The following KDM4D variants were observed in gnomAD, a reference collection of about 807,000 sequenced individuals.
KDM4D encodes lysine-specific demethylase 4D.
For missense variants in KDM4D, 427 were observed against 674.8 expected, an observed-to-expected ratio of 0.63 and a Z score of 4.07; for synonymous variants, 254 against 249.1, an observed-to-expected ratio of 1.02 and a Z score of -0.19.
At chr11:94,979,449 C>A (rs1055971327) in intron 2 of KDM4D, among the ~76,000 whole-genome samples, 1 of 152,082 alleles carries the variant, frequency 6.6e-6, no homozygotes, top group Admixed American at 6.6e-5. Flanking sequence ...AGGCTGGCCT[C>A]GAACTCCTGA....
At position 94,998,572 on chromosome 11, in the gene KDM4D, T is replaced by C; in HGVS notation, c.1200T>C (p.Leu400=). 1 of 1,613,758 alleles carries C rather than the reference T, an allele frequency of 6.2e-7. No individual in the cohort carries two copies. Among genetic ancestry groups the C allele is most frequent in the South Asian group, 1.1e-5 (1 of 91,086 alleles). ...AARSGTRCHT[L]VCSSLPRRSA... is the part of the protein sequence containing the mutation. ...GCAGTGGGACACGGTGCCACACCCT[T>C]GTGTGCTCTTCACTCCCACGCCGAT... Residue 400 remains leucine, a synonymous_variant, in exon 3 of 3, where the codon CTT becomes CTC. Transcript: ENST00000335080. This position sits in a 1 kb window ranked among gnomAD's most constrained non-coding sequence, Gnocchi z 6.7.
In KDM4D at chr11:94,998,875, T is replaced by C; in HGVS notation, c.1503T>C (p.Pro501=). ...AGGATGGGGCTTTGATGGACAAGCC[T>C]GTACCACTGAGCCCAGGGCTCCAGC... The part of the protein sequence containing the change: ...LPEDGALMDK[P]VPLSPGLQHP... Residue 501 remains proline, a synonymous_variant, in exon 3 of 3, where the codon CCT becomes CCC. Coordinates refer to ENST00000335080, the MANE Select transcript of KDM4D (RefSeq NM_018039.3). The surrounding 1 kb of genome is among the most constrained non-coding windows in gnomAD (Gnocchi z 6.7). 6.5e-7 allele frequency: 1 copy of C among 1,532,256 alleles called. No homozygotes were observed. The allele number at this position is 1,532,256 out of a possible 1,614,324, so 94.9% of individuals were successfully genotyped here.
intron 2 of KDM4D, among the ~76,000 whole-genome samples, chr11:94,985,743 G>T (rs1367709638): frequency 6.6e-6 from 1 of 152,164 alleles, no homozygotes; most frequent in Non-Finnish European, 1.5e-5. Flanking sequence ...CAATGGAATA[G>T]AATTGAAAGT....
intron 2 of KDM4D, among the ~76,000 whole-genome samples, chr11:94,992,708 G>A (rs1466647386): frequency 6.6e-6 from 1 of 152,060 alleles, no homozygotes; most frequent in African/African-American, 2.4e-5. Context: ...TTTACGGGAT[G>A]TACTGTTTTA....
intron 2 of KDM4D, among the ~76,000 whole-genome samples, chr11:94,991,825 TAAAG>T (rs1342564570): frequency 2.9e-4 from 44 of 151,240 alleles, no homozygotes; most frequent in African/African-American, 9.2e-4. Flanking sequence ...ATCCTAAAAT[TAAAG>T]AACTTCATTT....
At chr11:94,977,025 T>C (rs1386193675) in intron 2 of KDM4D, among the ~76,000 whole-genome samples, 16 of 151,990 alleles carry the variant, frequency 1.1e-4, no homozygotes, top group Admixed American at 9.8e-4. Flanking sequence ...CTATAACATA[T>C]AAAGGATTAC....
rs868935285 is a variant in KDM4D, at chr11:94,998,259, C to A, written c.887C>A (p.Ala296Asp). The A allele has an allele frequency of 6.2e-7, 1 of 1,614,232 alleles. No individual in the cohort carries two copies. Among genetic ancestry groups the A allele is most frequent in the Non-Finnish European group, 8.5e-7 (1 of 1,180,030 alleles). ...AACTGCGCAGAGGCCATCAATTTTGCCACTCCGCGATGGATTGATTATGGC... is the reference window on the plus strand; with the variant it reads ...AACTGCGCAGAGGCCATCAATTTTGACACTCCGCGATGGATTGATTATGGC... ...GFNCAEAINF[A>D]TPRWIDYGKM... Residue 296 changes from alanine to aspartate, a missense_variant, in exon 3 of 3, where the codon GCC becomes GAC. Physicochemically the swap from Ala to Asp is moderately radical, Grantham distance 126. Coordinates refer to ENST00000335080, the MANE Select transcript of KDM4D (RefSeq NM_018039.3). This position sits in a 1 kb window ranked among gnomAD's most constrained non-coding sequence, Gnocchi z 6.7.
rs142178549 is a variant in KDM4D at position 94,985,326 on chromosome 11, G to A, written c.-350+9578G>A. Among the ~76,000 whole-genome samples, 287 of 152,200 alleles carry A rather than the reference G, an allele frequency of 1.9e-3. 1 individual carries two copies. Among genetic ancestry groups the A allele is most frequent in the African/African-American group, 6.1e-3 (254 of 41,504 alleles). On this transcript the variant is annotated intron_variant, in intron 2 of 2. Transcript: ENST00000335080. ...CATTAGTAGTGAACAATGTGAAAAC[G>A]AAATTTAGAAAACAGTTCCATTCAC...
At chr11:94,990,517 CA>C (rs797040178) in intron 2 of KDM4D, among the ~76,000 whole-genome samples, 23 of 152,252 alleles carry the variant, frequency 1.5e-4, no homozygotes, top group African/African-American at 4.8e-4. Context: ...AAACAAGAAG[CA>C]ATAAAGATGT....
rs587614543 is a variant in KDM4D at position 94,992,084 on chromosome 11, G to A, written c.-349-4940G>A. Among the ~76,000 whole-genome samples the A allele has an allele frequency of 3.0e-3, 449 of 151,848 alleles. 2 individuals are homozygous for A. Among genetic ancestry groups the A allele is most frequent in the African/African-American group, 9.7e-3 (401 of 41,450 alleles). On this transcript the variant is annotated intron_variant, in intron 2 of 2. Coordinates refer to ENST00000335080, the MANE Select transcript of KDM4D (RefSeq NM_018039.3). ...GGTATAATTAAAATCAGAATTAAAG[G>A]TACAATTAGCATATACAAAGGAAAA...
intron 2 of KDM4D, among the ~76,000 whole-genome samples, chr11:94,980,080 T>C (rs1232936499): frequency 6.6e-6 from 1 of 152,214 alleles, no homozygotes; most frequent in Non-Finnish European, 1.5e-5. Context: ...TTAGGCATAG[T>C]TCTCTGTCAC....
At chr11:94,983,070 C>A (rs1857855353) in intron 2 of KDM4D, among the ~76,000 whole-genome samples, 1 of 151,854 alleles carries the variant, frequency 6.6e-6, no homozygotes. Flanking sequence ...TGAATAAGTA[C>A]ATGGAGACTT....
rs376945429 is a variant in KDM4D, at chr11:94,988,393, C to T, written c.-349-8631C>T. Reference sequence around the variant, plus strand: ...TTCGGTAAACCTCCAACTTTATGACCCCTGCCTCATCAAGGTCAAAGCCGG... The same window carrying T: ...TTCGGTAAACCTCCAACTTTATGACTCCTGCCTCATCAAGGTCAAAGCCGG... On this transcript the variant is annotated intron_variant, in intron 2 of 2. Transcript: ENST00000335080. 2.0e-4 allele frequency among the ~76,000 whole-genome samples: 30 copies of T among 152,148 alleles called. No individual in the cohort carries two copies. The East Asian group carries it at 4.2e-3, about 22-fold the overall frequency.
intron 2 of KDM4D, 21 bp from the exon 3 acceptor site, chr11:94,997,003 T>A (rs1857980342): frequency 6.2e-6 from 1 of 161,068 alleles, no homozygotes; most frequent in African/African-American, 2.4e-5. Flanking sequence ...ATTTTTAATC[T>A]CTGTGTATTC....
At chr11:94,978,977 G>A (rs2134108743) in intron 2 of KDM4D, among the ~76,000 whole-genome samples, 1 of 152,182 alleles carries the variant, frequency 6.6e-6, no homozygotes, top group South Asian at 2.1e-4. Flanking sequence ...ATTTTTTTAA[G>A]ATAAATTTCT....
At chr11:94,995,316 T>G (rs1437392559) in intron 2 of KDM4D, among the ~76,000 whole-genome samples, 5 of 152,184 alleles carry the variant, frequency 3.3e-5, no homozygotes, top group African/African-American at 1.2e-4. Context: ...TTGTGAGTTT[T>G]GAATAGGATA....
intron 2 of KDM4D, among the ~76,000 whole-genome samples, chr11:94,985,465 A>G (rs1328274316): frequency 3.3e-5 from 5 of 152,224 alleles, no homozygotes; most frequent in African/African-American, 7.2e-5. Flanking sequence ...TTCCATGTCA[A>G]TGGATCAGAA....
chr11:94,984,737 G>C (rs1220145576), intron 2 of KDM4D, among the ~76,000 whole-genome samples: 1 of 151,128 alleles, frequency 6.6e-6, no homozygotes, highest in African/African-American at 2.4e-5. Context: ...CTTGGTGGCA[G>C]GCACCTGTAA....
chr11:94,987,417 A>G (rs1857897232), intron 2 of KDM4D, among the ~76,000 whole-genome samples: 1 of 152,212 alleles, frequency 6.6e-6, no homozygotes, highest in South Asian at 2.1e-4. Flanking sequence ...TCTCAAAACA[A>G]AAACTCGGAC....
Sources: gnomAD v4.1 joint callset for allele counts (sites outside exome capture counted in the v4.1 genomes callset) on GRCh38, gnomAD v4.1.1 for gene constraint, Gnocchi (gnomAD v3.1) non-coding constraint, MANE v1.5 for transcripts, NCBI Gene and HGNC (gene_info 2026-07-23, HGNC 2026-07-21) for gene names.